Variants in KLHDC4 observed in about 807,000 individuals in gnomAD.
KLHDC4 encodes kelch domain-containing protein 4.
Under a neutral mutation model 62.4 loss-of-function variants are expected in KLHDC4, and 90 were observed. That is an observed-to-expected ratio of 1.44 (90% CI 1.22 to 1.72). The LOEUF is 1.72. KLHDC4 is among the 40% of genes most tolerant of loss of function. KLHDC4 has a pLI of 0.00. For synonymous variants in KLHDC4, 386 were observed against 284.4 expected (o/e 1.36, Z -3.59); for missense variants, 1,025 against 699.7 (o/e 1.47, Z -5.25).
At chr16:87,726,743 G>T (rs1464008880) in intron 7 of KLHDC4, 22 bp downstream of exon 7, 1 of 1,492,252 alleles carries the variant, frequency 6.7e-7, no homozygotes, top group Non-Finnish European at 8.9e-7. Flanking sequence ...CGCCTTGCCT[G>T]TTTCCCCACC....
intron 8 of KLHDC4, among the ~76,000 whole-genome samples, chr16:87,712,761 A>G (rs528075215): frequency 1.3e-5 from 2 of 152,342 alleles, no homozygotes; most frequent in Admixed American, 6.5e-5. Context: ...TTAGTGCAAG[A>G]AGGAGGTAAA....
intron 5 of KLHDC4, among the ~76,000 whole-genome samples, chr16:87,731,784 C>T (rs2040420497): frequency 6.6e-6 from 1 of 152,212 alleles, no homozygotes; most frequent in Non-Finnish European, 1.5e-5. Flanking sequence ...TGTGTCACCA[C>T]CAGCAGCCGA....
chr16:87,718,994 G>T (rs960473682), intron 7 of KLHDC4, among the ~76,000 whole-genome samples: 1 of 151,226 alleles, frequency 6.6e-6, no homozygotes, highest in Non-Finnish European at 1.5e-5. Context: ...CCCGGCAGCC[G>T]CCCCCTCCGG....
Position 87,733,357 on chromosome 16 carries a change from G to A in KLHDC4, c.507-2713C>T, listed in dbSNP as rs183461166. On this transcript the variant is annotated intron_variant, in intron 5 of 11. Transcript: ENST00000270583. ...GAGGCGCTCGGGCAGCAGGTGCTCA[G>A]AAAGCTCGCAGAGGTGCTTACGCCG... Among the ~76,000 whole-genome samples, 6 of 152,364 alleles carry A rather than the reference G, an allele frequency of 3.9e-5. No homozygotes were observed. In the East Asian group the frequency reaches 1.2e-3, roughly 29 times the overall value.
chr16:87,715,919 C>G (rs773793670), intron 7 of KLHDC4, among the ~76,000 whole-genome samples: 4 of 152,138 alleles, frequency 2.6e-5, no homozygotes, highest in Non-Finnish European at 4.4e-5. Context: ...AGACTTCAGG[C>G]ACGCTCAGTG....
intron 4 of KLHDC4, among the ~76,000 whole-genome samples, chr16:87,753,656 C>T (rs2143243720): frequency 6.6e-6 from 1 of 152,178 alleles, no homozygotes; most frequent in African/African-American, 2.4e-5. Flanking sequence ...AAAAAATTAC[C>T]TAGGCGTGGT....
At chr16:87,751,273 A>T in intron 4 of KLHDC4, among the ~76,000 whole-genome samples, 1 of 152,170 alleles carries the variant, frequency 6.6e-6, no homozygotes, top group Admixed American at 6.5e-5. Context: ...CAGGAGTTTG[A>T]GACCAGCCTG....
chr16:87,758,391 C>T (rs2045324979), intron 2 of KLHDC4, among the ~76,000 whole-genome samples: 2 of 152,192 alleles, frequency 1.3e-5, no homozygotes, highest in South Asian at 4.1e-4. Context: ...AAATAAAGTT[C>T]TCACACATGC....
Position 87,711,220 on chromosome 16 carries a change from CAG to C in KLHDC4, c.1044+13_1044+14del. On this transcript the variant is annotated intron_variant, in intron 9 of 11. Transcript: ENST00000270583. ...GCTGCGCACCACGGCGCATGCTACT[CAG>C]AGGTTGCACTACCTTCAGCTGTCCC... 1 of 1,613,544 alleles carries C rather than the reference CAG, an allele frequency of 6.2e-7. No homozygotes were observed. Among genetic ancestry groups the C allele is most frequent in the Non-Finnish European group, 8.5e-7 (1 of 1,179,784 alleles).
intron 7 of KLHDC4, among the ~76,000 whole-genome samples, chr16:87,720,235 A>C (rs58407170): frequency 3.3e-5 from 5 of 151,994 alleles, no homozygotes; most frequent in African/African-American, 7.2e-5. Context: ...TTTGTGGGAG[A>C]AGACGGCCAG....
chr16:87,712,606 A>T (rs1450359466), intron 8 of KLHDC4, among the ~76,000 whole-genome samples: 2 of 152,386 alleles, frequency 1.3e-5, no homozygotes, highest in Middle Eastern at 3.4e-3. Flanking sequence ...TAGGCTGGAA[A>T]GTGACTGAAA....
intron 1 of KLHDC4, among the ~76,000 whole-genome samples, chr16:87,765,510 G>C (rs2046520358): frequency 6.6e-6 from 1 of 152,044 alleles, no homozygotes; most frequent in Admixed American, 6.5e-5. Flanking sequence ...GGGAGGAGGG[G>C]GAGGAAACGC....
chr16:87,713,992 G>A (rs1325380580), intron 8 of KLHDC4, among the ~76,000 whole-genome samples: 1 of 152,156 alleles, frequency 6.6e-6, no homozygotes, highest in Non-Finnish European at 1.5e-5. Context: ...CAGTCTCGGT[G>A]ATGACTTCTG....
chr16:87,722,389 T>C (rs920792625), intron 7 of KLHDC4, among the ~76,000 whole-genome samples: 4 of 152,164 alleles, frequency 2.6e-5, no homozygotes, highest in African/African-American at 9.7e-5. Flanking sequence ...TGTGAGTTCC[T>C]CTTAATCTAC....
downstream of KLHDC4, among the ~76,000 whole-genome samples, chr16:87,705,362 C>T (rs1597340958): frequency 6.6e-6 from 1 of 152,238 alleles, no homozygotes; most frequent in Admixed American, 6.5e-5. Context: ...TGTTGTGTTC[C>T]GCGTCTCCCA....
chr16:87,762,268 A>G, intron 1 of KLHDC4: 1 of 780,718 alleles, frequency 1.3e-6, no homozygotes, highest in South Asian at 2.2e-5. Context: ...ACCAAGTATT[A>G]TCTCCACACC....
intron 5 of KLHDC4, chr16:87,731,075 T>C (rs1424292244): frequency 8.5e-6 from 1 of 117,670 alleles, no homozygotes; most frequent in African/African-American, 4.0e-5. Context: ...TTTTTTTTTT[T>C]TTTTTTGAGA....
At chr16:87,701,719 A>C (rs2034151942) in exon 1 of KLHDC4, 1 of 456,738 alleles carries the variant, frequency 2.2e-6, no homozygotes, top group South Asian at 1.5e-5. Flanking sequence ...TCGTGCGCCC[A>C]TGCCACCTGC....
intron 7 of KLHDC4, among the ~76,000 whole-genome samples, chr16:87,719,056 C>T (rs985966360): frequency 7.3e-5 from 11 of 150,002 alleles, no homozygotes; most frequent in Admixed American, 4.0e-4. Context: ...AGGTGGGGGG[C>T]AGCCCCCGCC....
Sources: allele counts gnomAD v4.1 joint callset (sites outside exome capture counted in the v4.1 genomes callset), GRCh38; gene constraint gnomAD v4.1.1; transcripts MANE v1.5; gene names NCBI Gene and HGNC (gene_info 2026-07-23, HGNC 2026-07-21).